The following KRT23 variants were observed in gnomAD, a reference collection of about 807,000 sequenced individuals.
KRT23 encodes keratin 23, also known as keratin, type I cytoskeletal 23.
A neutral mutation model predicts 47.6 loss-of-function variants in KRT23; 38 were observed. The observed-to-expected ratio is 0.80, with a 90% confidence interval of 0.62 to 1.05. The LOEUF (loss-of-function observed/expected upper bound fraction) is 1.05, where lower values mean the gene tolerates loss of function less well. KRT23 is among the 50% of genes least tolerant of loss of function. The probability of loss-of-function intolerance (pLI) is 0.00; values close to 1 mark genes in which losing one functional copy is unlikely to be tolerated. For synonymous variants in KRT23, 191 were observed against 199.0 expected (o/e 0.96, Z 0.34); for missense variants, 503 against 529.5 (o/e 0.95, Z 0.49).
intron 2 of KRT23, among the ~76,000 whole-genome samples, chr17:40,933,167 G>C (rs1191867107): frequency 6.6e-6 from 1 of 152,154 alleles, no homozygotes; most frequent in African/African-American, 2.4e-5. Flanking sequence ...ACATCCCCAG[G>C]TTCTATATGC....
chr17:40,931,728 G>C lies in KRT23; in HGVS notation c.397-273C>G, dbSNP rs374980761. On this transcript the variant is annotated intron_variant, in intron 2 of 8. Transcript: ENST00000209718. The stretch of plus-strand genomic sequence containing the variant: ...TGTTGAGTTTTGACAGGCTTGGATT[G>C]ATGCAACTGCTGAAAGAATGATATA... 3.3e-5 allele frequency among the ~76,000 whole-genome samples: 5 copies of C among 152,238 alleles called. No individual in the cohort carries two copies. In the East Asian group the frequency reaches 9.7e-4, roughly 29 times the overall value.
chr17:40,935,431 A>G (rs1038575981), intron 2 of KRT23, among the ~76,000 whole-genome samples: 1 of 152,178 alleles, frequency 6.6e-6, no homozygotes, highest in Non-Finnish European at 1.5e-5. Context: ...TTCTACTTCT[A>G]GCTAATGTTA....
chr17:40,931,297 A>G lies in KRT23; in HGVS notation c.479+76T>C, dbSNP rs1192201645. The G allele has an allele frequency of 4.6e-6, 5 of 1,094,862 alleles. No homozygotes were observed. The East Asian group carries it at 9.5e-5, about 21-fold the overall frequency. The allele number at this position is 1,094,862 out of a possible 1,614,324, so 67.8% of individuals were successfully genotyped here. ...AGTGCTGGGATTACAGGTGTGAGCCACCGCGCCCCGCCGAGTTTTCCTTTT... is the reference window on the plus strand; with the variant it reads ...AGTGCTGGGATTACAGGTGTGAGCCGCCGCGCCCCGCCGAGTTTTCCTTTT... On this transcript the variant is annotated intron_variant, in intron 3 of 8. Coordinates refer to ENST00000209718, the MANE Select transcript of KRT23 (RefSeq NM_015515.5).
Position 40,922,948 on chromosome 17 carries a change from G to C in KRT23, c.*41C>G. 3 of 1,449,482 alleles carry C rather than the reference G, an allele frequency of 2.1e-6. No homozygotes were observed. The highest frequency in any genetic ancestry group is 2.9e-6 in the Non-Finnish European group (3 of 1,030,348). 89.8% of individuals were successfully genotyped at this position (1,449,482 alleles called of 1,614,324 possible). ...GTGTCTGTGCAAGGACTTTCCTTGG[G>C]GGAAAATAGATTTTACAACAGGCGG... On this transcript the variant is annotated 3_prime_UTR_variant, in exon 9 of 9. Transcript: ENST00000209718.
chr17:40,924,408 C>T (rs1909096648), intron 8 of KRT23, 64 bp downstream of exon 8: 1 of 1,372,172 alleles, frequency 7.3e-7, no homozygotes, highest in Admixed American at 1.7e-5. Context: ...ATGACTACTA[C>T]AAAATGGATA....
intron 4 of KRT23, 35 bp downstream of exon 4, chr17:40,929,905 T>G: frequency 6.2e-7 from 1 of 1,602,496 alleles, no homozygotes; most frequent in South Asian, 1.1e-5. Context: ...GGCTAAGAGC[T>G]GTGCTTATTA....
In KRT23 at chr17:40,923,069, T is replaced by C. The variant is rs1291920009; in HGVS notation, c.1189A>G (p.Lys397Glu). 1 of 1,613,332 alleles carries C rather than the reference T, an allele frequency of 6.2e-7. No homozygotes were observed. The highest frequency in any genetic ancestry group is 1.7e-5 in the Admixed American group (1 of 60,022). ...GTCTCCTGGGTTATGGCCTTGATCT[T>C]TGGAGTTGCAGACACTGAGAAAAAG... ...KSSMKVSATP[K>E]IKAITQETIN... Residue 397 changes from lysine (K) to glutamate (E), a missense_variant, in exon 9 of 9, where the codon AAG becomes GAG. Coordinates refer to ENST00000209718, the MANE Select transcript of KRT23 (RefSeq NM_015515.5).
chr17:40,923,166 G>A, intron 8 of KRT23, 83 bp from the exon 9 acceptor site: 1 of 1,028,786 alleles, frequency 9.7e-7, no homozygotes, highest in East Asian at 2.4e-5. Flanking sequence ...TCTGCTGTCA[G>A]CCCCTGAAGG....
At chr17:40,925,631 A>T in intron 6 of KRT23, 57 bp from the exon 7 acceptor site, 1 of 1,325,120 alleles carries the variant, frequency 7.5e-7, no homozygotes, top group Admixed American at 1.9e-5. Context: ...AGTCAATAAC[A>T]GGTGATTGTT....
rs1179033185 is a variant in KRT23 at position 40,936,480 on chromosome 17, G to A, written c.124C>T (p.Arg42Cys). 4 of 1,575,192 alleles carry A rather than the reference G, an allele frequency of 2.5e-6. No homozygotes were observed. The highest frequency in any genetic ancestry group is 3.4e-6 in the Non-Finnish European group (4 of 1,160,176). Residue 42 changes from arginine (R) to cysteine (C), a missense_variant, in exon 2 of 9, where the codon CGC becomes TGC. Coordinates refer to ENST00000209718, the MANE Select transcript of KRT23 (RefSeq NM_015515.5). ...PTVHGGAGGA[R>C]ISLSFTTRSC... ...CGCGTGGTGAAGGACAGGGAGATGC[G>A]GGCTCCCCCCGCACCGCCATGGACG...
rs143360110 is a variant in KRT23 at position 40,936,583 on chromosome 17, G to A, written c.21C>T (p.Phe7=). 4.5e-4 allele frequency: 680 copies of A among 1,518,042 alleles called. No individual in the cohort carries two copies. In the African/African-American group the frequency reaches 8.1e-3, roughly 18 times the overall value. 94.0% of individuals were successfully genotyped at this position (1,518,042 alleles called of 1,614,324 possible). MNSGHS[F]SQTPSASFHG... Reference sequence around the variant, plus strand: ...GGAAGGAGGCCGAGGGGGTCTGGCTGAAGCTGTGTCCGGAGTTCATGGTCC... The same window carrying A: ...GGAAGGAGGCCGAGGGGGTCTGGCTAAAGCTGTGTCCGGAGTTCATGGTCC... The change falls in exon 2 of 9, where the codon TTC becomes TTT. Residue 7 remains phenylalanine, a synonymous_variant. Transcript: ENST00000209718.
At chr17:40,929,417 A>T (rs1229701956) in intron 4 of KRT23, among the ~76,000 whole-genome samples, 1 of 152,248 alleles carries the variant, frequency 6.6e-6, no homozygotes, top group Non-Finnish European at 1.5e-5. Flanking sequence ...TGATGTTGAG[A>T]AGCAATTTTG....
At chr17:40,926,336 C>A (rs1034375430) in intron 6 of KRT23, among the ~76,000 whole-genome samples, 4 of 152,122 alleles carry the variant, frequency 2.6e-5, no homozygotes, top group African/African-American at 9.7e-5. Flanking sequence ...TTCAGGGGGC[C>A]GTTCATGCTG....
chr17:40,929,411 G>A (rs1271560486), intron 4 of KRT23, among the ~76,000 whole-genome samples: 2 of 152,252 alleles, frequency 1.3e-5, no homozygotes, highest in African/African-American at 4.8e-5. Flanking sequence ...GCTCTTTGAT[G>A]TTGAGAAGCA....
At chr17:40,929,446 T>G (rs563075682) in intron 4 of KRT23, among the ~76,000 whole-genome samples, 1 of 152,386 alleles carries the variant, frequency 6.6e-6, no homozygotes, top group Non-Finnish European at 1.5e-5. Context: ...AAATGGGAAC[T>G]GTTTTTCTAT....
Position 40,936,658 on chromosome 17 carries a change from A to G in KRT23, c.-55T>C. 6.8e-7 allele frequency: 1 copy of G among 1,464,320 alleles called. No homozygotes were observed. The allele number at this position is 1,464,320 out of a possible 1,614,324, so 90.7% of individuals were successfully genotyped here. A position where few individuals can be genotyped will look rare whatever the true frequency, so the allele number is the denominator to read the frequency against. On this transcript the variant is annotated 5_prime_UTR_variant, in exon 2 of 9. Coordinates refer to ENST00000209718, the MANE Select transcript of KRT23 (RefSeq NM_015515.5). ...GCTCTGCTCCACTCCCTGGCACCGC[A>G]GAACTGAGCCGCCCCAGACTGCCCT...
At chr17:40,933,507 C>T (rs1909837841) in intron 2 of KRT23, among the ~76,000 whole-genome samples, 1 of 152,182 alleles carries the variant, frequency 6.6e-6, no homozygotes, top group Non-Finnish European at 1.5e-5. Flanking sequence ...TTGACACACA[C>T]TATGAGGTGT....
intron 3 of KRT23, among the ~76,000 whole-genome samples, chr17:40,930,679 G>A (rs1013955675): frequency 2.6e-5 from 4 of 151,918 alleles, no homozygotes; most frequent in East Asian, 1.9e-4. Context: ...CAGGAGAATC[G>A]CTTGAACCTG....
chr17:40,923,108 T>A, intron 8 of KRT23, 25 bp from the exon 9 acceptor site: 1 of 1,497,096 alleles, frequency 6.7e-7, no homozygotes, highest in Non-Finnish European at 9.3e-7. Flanking sequence ...ATGGAAGATG[T>A]CACTGCCATG....
Sources: gnomAD v4.1 joint callset for allele counts (sites outside exome capture counted in the v4.1 genomes callset) on GRCh38, gnomAD v4.1.1 for gene constraint, MANE v1.5 for transcripts, NCBI Gene and HGNC (gene_info 2026-07-23, HGNC 2026-07-21) for gene names.